The following ESRRG variants were observed in gnomAD, a reference collection of about 807,000 sequenced individuals.
ESRRG encodes estrogen-related receptor gamma.
ESRRG carries 13 observed loss-of-function variants against 44.0 expected under a neutral mutation model. That is an observed-to-expected ratio of 0.30 (90% CI 0.19 to 0.47). ESRRG has a LOEUF of 0.47. ESRRG is among the 20% of genes least tolerant of loss of function. ESRRG has a pLI of 1.00. For synonymous variants in ESRRG, 215 were observed against 214.6 expected, an observed-to-expected ratio of 1.00 and a Z score of -0.02; for missense variants, 395 against 580.6, an observed-to-expected ratio of 0.68 and a Z score of 3.29.
intron 2 of ESRRG, among the ~76,000 whole-genome samples, chr1:216,899,752 G>A (rs1032715372): frequency 6.6e-6 from 1 of 152,168 alleles, no homozygotes; most frequent in African/African-American, 2.4e-5. Flanking sequence ...ACATTGATGT[G>A]CTTATGAGGG....
intron 3 of ESRRG, among the ~76,000 whole-genome samples, chr1:216,621,971 A>G (rs975041626): frequency 6.6e-6 from 1 of 152,168 alleles, no homozygotes; most frequent in Non-Finnish European, 1.5e-5. Flanking sequence ...CCTTTCTGCC[A>G]TCACAGACGT....
chr1:216,916,257 T>C (rs964047147), intron 2 of ESRRG, among the ~76,000 whole-genome samples: 4 of 152,186 alleles, frequency 2.6e-5, no homozygotes, highest in Non-Finnish European at 5.9e-5. Context: ...CCAGGGACCC[T>C]CAGCTCTCCC....
chr1:216,742,501 G>A (rs1489689166), intron 2 of ESRRG, among the ~76,000 whole-genome samples: 3 of 152,066 alleles, frequency 2.0e-5, no homozygotes, highest in Non-Finnish European at 4.4e-5. Context: ...GTACCCAGTA[G>A]AGTGCTTTGT....
chr1:216,934,578 G>A (rs1414036832), intron 2 of ESRRG, among the ~76,000 whole-genome samples: 1 of 152,122 alleles, frequency 6.6e-6, no homozygotes, highest in African/African-American at 2.4e-5. Flanking sequence ...GCGAGAATGA[G>A]AGCTAAGAGA....
intron 3 of ESRRG, among the ~76,000 whole-genome samples, chr1:216,579,087 A>G (rs2062226147): frequency 6.6e-6 from 1 of 152,152 alleles, no homozygotes; most frequent in African/African-American, 2.4e-5. Context: ...TTCCTGTTCA[A>G]TTTATTTCCA....
chr1:216,965,030 T>C (rs988190991), intron 1 of ESRRG, among the ~76,000 whole-genome samples: 5 of 152,232 alleles, frequency 3.3e-5, no homozygotes, highest in African/African-American at 1.2e-4. Context: ...ATTCCATTGA[T>C]GGAGTGTCAG....
At chr1:217,040,653 C>T (rs2083692733) in intron 1 of ESRRG, among the ~76,000 whole-genome samples, 1 of 152,042 alleles carries the variant, frequency 6.6e-6, no homozygotes, top group African/African-American at 2.4e-5. Context: ...ATTGCTAGTA[C>T]ACCTTTACAC....
chr1:216,521,381 T>C (rs570896103), intron 5 of ESRRG, among the ~76,000 whole-genome samples: 1 of 151,930 alleles, frequency 6.6e-6, no homozygotes, highest in African/African-American at 2.4e-5. Context: ...GGAAAAAAGG[T>C]GCAATGCAAA....
chr1:216,645,739 G>A (rs1040902755), intron 3 of ESRRG, among the ~76,000 whole-genome samples: 1 of 151,804 alleles, frequency 6.6e-6, no homozygotes, highest in African/African-American at 2.4e-5. Context: ...TAGCATGGTG[G>A]CATGGGCCTG....
At chr1:217,053,704 T>C (rs1365417912) in intron 1 of ESRRG, among the ~76,000 whole-genome samples, 1 of 152,132 alleles carries the variant, frequency 6.6e-6, no homozygotes, top group Non-Finnish European at 1.5e-5. Context: ...TTCTAAAATG[T>C]GGTAGTTGTT....
intron 2 of ESRRG, among the ~76,000 whole-genome samples, chr1:216,769,712 C>T (rs1576350996): frequency 6.6e-6 from 1 of 151,958 alleles, no homozygotes; most frequent in East Asian, 1.9e-4. Context: ...CAAGATATGA[C>T]AAAATCAGGA....
chr1:217,029,449 A>G (rs2081713675), intron 1 of ESRRG, among the ~76,000 whole-genome samples: 1 of 152,250 alleles, frequency 6.6e-6, no homozygotes. Context: ...CAGGTGAAGC[A>G]GGAAAAGACA....
intron 1 of ESRRG, among the ~76,000 whole-genome samples, chr1:216,988,931 G>A (rs2075276223): frequency 6.6e-6 from 1 of 152,172 alleles, no homozygotes. Context: ...AAGTTTTCCA[G>A]TCCACTAAAA....
At chr1:216,855,706 C>T (rs764623336) in intron 2 of ESRRG, among the ~76,000 whole-genome samples, 14 of 152,164 alleles carry the variant, frequency 9.2e-5, no homozygotes, top group Non-Finnish European at 1.9e-4. Flanking sequence ...TGCCCCCTCC[C>T]CTGCTCCCCA....
At chr1:216,731,884 C>T (rs2088850969) in intron 2 of ESRRG, among the ~76,000 whole-genome samples, 2 of 152,178 alleles carry the variant, frequency 1.3e-5, no homozygotes, top group Admixed American at 6.5e-5. Flanking sequence ...AGTTCAGTTA[C>T]CAGTTGAATT....
chr1:216,993,901 AT>A (rs2076042793), intron 1 of ESRRG, among the ~76,000 whole-genome samples: 1 of 152,140 alleles, frequency 6.6e-6, no homozygotes, highest in Non-Finnish European at 1.5e-5. Context: ...TATACTTCAA[AT>A]TTTATCTCCA....
At chr1:216,708,194 C>A in intron 1 of ESRRG, among the ~76,000 whole-genome samples, 2 of 149,916 alleles carry the variant, frequency 1.3e-5, no homozygotes, top group South Asian at 2.1e-4. Flanking sequence ...GTAGCAAAGT[C>A]TCAGAAAAAA....
intron 2 of ESRRG, among the ~76,000 whole-genome samples, chr1:216,665,977 A>T (rs185594559): frequency 9.5e-4 from 144 of 152,328 alleles, no homozygotes; most frequent in Non-Finnish European, 1.7e-3. Flanking sequence ...CTAGTAGTAT[A>T]TCAGGAAAAC....
intron 2 of ESRRG, among the ~76,000 whole-genome samples, chr1:216,659,234 C>T (rs1371879789): frequency 6.6e-6 from 1 of 152,100 alleles, no homozygotes; most frequent in Non-Finnish European, 1.5e-5. Flanking sequence ...AAAATAAAAC[C>T]ACCTTCCTCA....
Sources: gnomAD v4.1 joint callset for allele counts (sites outside exome capture counted in the v4.1 genomes callset) on GRCh38, gnomAD v4.1.1 for gene constraint, MANE v1.5 for transcripts, NCBI Gene and HGNC (gene_info 2026-07-23, HGNC 2026-07-21) for gene names.